FAM171A1: variants seen among roughly 807,000 people sequenced by gnomAD.
FAM171A1 encodes the protein protein FAM171A1.
FAM171A1 carries 23 observed loss-of-function variants against 74.9 expected under a neutral mutation model. The ratio of observed to expected loss-of-function variants is 0.31; its 90% CI spans 0.22 to 0.44. The LOEUF is 0.44. FAM171A1 is among the 20% of genes least tolerant of loss of function. FAM171A1 has a pLI of 1.00. For synonymous variants in FAM171A1, 527 were observed against 505.7 expected (o/e 1.04, Z -0.57); for missense variants, 1,162 against 1,159.2 (o/e 1.00, Z -0.03).
At chr10:15,325,493 G>C (rs1361277773) in intron 1 of FAM171A1, among the ~76,000 whole-genome samples, 1 of 152,136 alleles carries the variant, frequency 6.6e-6, no homozygotes, top group Non-Finnish European at 1.5e-5. Context: ...GAGCGACAGA[G>C]TGATACTCCA....
chr10:15,340,513 C>G (rs556422687), intron 1 of FAM171A1, among the ~76,000 whole-genome samples: 2 of 152,316 alleles, frequency 1.3e-5, no homozygotes, highest in South Asian at 4.2e-4. Flanking sequence ...AAAGGCCCAA[C>G]TGTCTGTATT....
chr10:15,218,143 G>T (rs1243364567), intron 6 of FAM171A1, among the ~76,000 whole-genome samples: 1 of 151,932 alleles, frequency 6.6e-6, no homozygotes, highest in Non-Finnish European at 1.5e-5. Flanking sequence ...GCAGTGGCAC[G>T]ATCTGGGCTC....
intron 1 of FAM171A1, among the ~76,000 whole-genome samples, chr10:15,298,011 T>C (rs1195908051): frequency 6.6e-5 from 10 of 152,216 alleles, no homozygotes; most frequent in Admixed American, 3.9e-4. Context: ...AACCAAGTGT[T>C]CAAAAGCAAA....
At chr10:15,291,693 T>C (rs1191400839) in intron 1 of FAM171A1, among the ~76,000 whole-genome samples, 1 of 152,150 alleles carries the variant, frequency 6.6e-6, no homozygotes, top group African/African-American at 2.4e-5. Context: ...GTTTGATCTC[T>C]TCCCACCCCT....
At chr10:15,308,708 A>G (rs1297711121) in intron 1 of FAM171A1, among the ~76,000 whole-genome samples, 1 of 152,220 alleles carries the variant, frequency 6.6e-6, no homozygotes, top group African/African-American at 2.4e-5. Context: ...TCCAAGCATT[A>G]GTGGGTATTT....
At chr10:15,373,641 A>G (rs1351630380), upstream of FAM171A1, among the ~76,000 whole-genome samples, 1 of 152,154 alleles carries the variant, frequency 6.6e-6, no homozygotes, top group African/African-American at 2.4e-5. Context: ...AGATGTTACA[A>G]TTGGGGGAAG....
At chr10:15,293,134 C>G (rs1835122295) in intron 1 of FAM171A1, among the ~76,000 whole-genome samples, 1 of 152,138 alleles carries the variant, frequency 6.6e-6, no homozygotes, top group Admixed American at 6.5e-5. Flanking sequence ...CTTCTTCATT[C>G]ACACATCCTA....
intron 5 of FAM171A1, among the ~76,000 whole-genome samples, chr10:15,223,548 T>C (rs1475529935): frequency 6.6e-6 from 1 of 152,216 alleles, no homozygotes; most frequent in Non-Finnish European, 1.5e-5. Flanking sequence ...CCTTTCTCCC[T>C]AAGTTGCCTT....
At chr10:15,364,514 T>A (rs1330725483) in intron 1 of FAM171A1, among the ~76,000 whole-genome samples, 1 of 152,206 alleles carries the variant, frequency 6.6e-6, no homozygotes, top group East Asian at 1.9e-4. Context: ...ACCACCATCC[T>A]GTGTGGGCGA....
At chr10:15,218,179 G>A (rs868798092) in intron 6 of FAM171A1, among the ~76,000 whole-genome samples, 1 of 150,688 alleles carries the variant, frequency 6.6e-6, no homozygotes. Flanking sequence ...TCCCAGGTTC[G>A]GATAATTCTC....
At chr10:15,247,919 C>T (rs955619382) in intron 5 of FAM171A1, among the ~76,000 whole-genome samples, 14 of 152,184 alleles carry the variant, frequency 9.2e-5, no homozygotes, top group East Asian at 1.9e-4. Context: ...CTGCCTTCAG[C>T]CCTGTGAGTC....
intron 3 of FAM171A1, among the ~76,000 whole-genome samples, chr10:15,255,168 A>G (rs1265513010): frequency 6.6e-6 from 1 of 152,224 alleles, no homozygotes; most frequent in Non-Finnish European, 1.5e-5. Flanking sequence ...GTCACTGCCC[A>G]GCATTTGCCT....
chr10:15,249,286 G>A (rs1834478167), intron 4 of FAM171A1, among the ~76,000 whole-genome samples: 1 of 151,962 alleles, frequency 6.6e-6, no homozygotes, highest in Admixed American at 6.6e-5. Context: ...AGTGAAGATG[G>A]GGTTTTGCCA....
chr10:15,223,974 A>G (rs1232732401), intron 5 of FAM171A1, among the ~76,000 whole-genome samples: 2 of 152,206 alleles, frequency 1.3e-5, no homozygotes, highest in Non-Finnish European at 2.9e-5. Flanking sequence ...GGGTGACCAC[A>G]TATATAGACC....
intron 3 of FAM171A1, among the ~76,000 whole-genome samples, chr10:15,257,370 G>A (rs568794756): frequency 1.1e-4 from 17 of 152,314 alleles, no homozygotes; most frequent in African/African-American, 3.4e-4. Flanking sequence ...ACGCAGCCTA[G>A]CCAGGACTTA....
At position 15,220,942 on chromosome 10, in the gene FAM171A1, A is replaced by T; in HGVS notation, c.871+2T>A. On this transcript the variant is annotated splice_donor_variant, in intron 6 of 7. Coordinates refer to ENST00000378116, the MANE Select transcript of FAM171A1 (RefSeq NM_001010924.2). LOFTEE classifies it high-confidence loss of function. ...TCATCGCAAGTGTTGGCTCCGTGTT[A>T]CCTGGGATGGGAGGGGACATGGCGG... 6.2e-7 allele frequency: 1 copy of T among 1,611,112 alleles called. No individual in the cohort carries two copies. Among genetic ancestry groups the T allele is most frequent in the Non-Finnish European group, 8.5e-7 (1 of 1,177,806 alleles).
chr10:15,260,859 C>T (rs1274464641), intron 3 of FAM171A1, among the ~76,000 whole-genome samples: 13 of 152,178 alleles, frequency 8.5e-5, no homozygotes, highest in Admixed American at 8.5e-4. Flanking sequence ...TTCTCCAGAC[C>T]TCACTAAATG....
chr10:15,329,408 T>C (rs1364492398), intron 1 of FAM171A1, among the ~76,000 whole-genome samples: 1 of 152,036 alleles, frequency 6.6e-6, no homozygotes, highest in African/African-American at 2.4e-5. Context: ...CAGCACTTTG[T>C]GAGGCCAAGG....
At chr10:15,265,283 GTGTAC>G (rs1453790011) in intron 3 of FAM171A1, among the ~76,000 whole-genome samples, 7 of 152,138 alleles carry the variant, frequency 4.6e-5, no homozygotes, top group African/African-American at 1.2e-4. Flanking sequence ...GTGTTTGTGT[GTGTAC>G]TGTACTGTAC....
Sources: gnomAD v4.1 joint callset for allele counts (sites outside exome capture counted in the v4.1 genomes callset) on GRCh38, gnomAD v4.1.1 for gene constraint, MANE v1.5 for transcripts, NCBI Gene and HGNC (gene_info 2026-07-23, HGNC 2026-07-21) for gene names.